The following NFASC variants were observed in gnomAD, a reference collection of about 807,000 sequenced individuals.
NFASC encodes the protein neurofascin.
NFASC carries 43 observed loss-of-function variants against 147.5 expected under a neutral mutation model. The observed-to-expected ratio is 0.29, with a 90% CI of 0.23 to 0.38. The LOEUF (loss-of-function observed/expected upper bound fraction) is 0.38, where lower values mean the gene tolerates loss of function less well. NFASC is among the 10% of genes least tolerant of loss of function. The pLI is 1.00. For synonymous variants in NFASC, 622 were observed against 665.5 expected (o/e 0.93, Z 1.01); for missense variants, 1,320 against 1,689.0 (o/e 0.78, Z 3.83).
intron 25 of NFASC, chr1:205,000,711 CAGCTACTTG>C: frequency 1.1e-5 from 2 of 187,612 alleles, no homozygotes; most frequent in Non-Finnish European, 2.2e-5. Flanking sequence ...CCTGTAATCT[CAGCTACTTG>C]GGAGGCTGAG....
chr1:204,940,731 G>A (rs550214119), intron 2 of NFASC, among the ~76,000 whole-genome samples: 2 of 152,242 alleles, frequency 1.3e-5, no homozygotes, highest in East Asian at 1.9e-4. Context: ...TTCTTTCACC[G>A]AGCGTGTTTT....
chr1:204,922,728 G>C (rs2090740575), intron 2 of NFASC, among the ~76,000 whole-genome samples: 1 of 152,134 alleles, frequency 6.6e-6, no homozygotes, highest in Non-Finnish European at 1.5e-5. Context: ...CATGAAGGGG[G>C]AGTACCTATC....
chr1:204,980,649 CAG>C (rs1156263551), intron 20 of NFASC, among the ~76,000 whole-genome samples: 5 of 152,140 alleles, frequency 3.3e-5, no homozygotes, highest in Non-Finnish European at 7.3e-5. Context: ...TGTAAGATTT[CAG>C]AGAGGAGACA....
intron 1 of NFASC, among the ~76,000 whole-genome samples, chr1:204,910,046 A>G (rs375938919): frequency 2.4e-4 from 36 of 152,138 alleles, no homozygotes; most frequent in African/African-American, 8.2e-4. Context: ...TTCTTTGTCA[A>G]ATTTGTTTCA....
At chr1:204,950,470 C>A in intron 3 of NFASC, 87 bp from the exon 4 acceptor site, 1 of 1,241,460 alleles carries the variant, frequency 8.1e-7, no homozygotes, top group Non-Finnish European at 1.2e-6. Flanking sequence ...TCCCTGTGTG[C>A]TGGGGCGTGA....
At chr1:204,839,325 G>A (rs183448106) in intron 1 of NFASC, among the ~76,000 whole-genome samples, 1 of 150,928 alleles carries the variant, frequency 6.6e-6, no homozygotes, top group Admixed American at 6.6e-5. Flanking sequence ...GCTGAAGGTG[G>A]TTGCTCCCAG....
intron 1 of NFASC, among the ~76,000 whole-genome samples, chr1:204,884,270 G>T (rs2148927550): frequency 6.6e-6 from 1 of 152,192 alleles, no homozygotes; most frequent in South Asian, 2.1e-4. Flanking sequence ...AGGCTGCTGG[G>T]CCTGGGGAGA....
chr1:204,882,485 C>T (rs575501694), intron 1 of NFASC, among the ~76,000 whole-genome samples: 1 of 152,276 alleles, frequency 6.6e-6, no homozygotes, highest in African/African-American at 2.4e-5. Flanking sequence ...TTTGATATCA[C>T]TTCCTGACCA....
chr1:204,975,288 C>A lies in NFASC; in HGVS notation c.1576C>A (p.Arg526=). 1 of 1,613,024 alleles carries A rather than the reference C, an allele frequency of 6.2e-7. No individual in the cohort carries two copies. The highest frequency in any genetic ancestry group is 8.5e-7 in the Non-Finnish European group (1 of 1,179,344). Residue 526 remains arginine, a synonymous_variant, in exon 15 of 30, where the codon CGG becomes AGG. Transcript: ENST00000339876. The surrounding 1 kb of genome is among the most constrained non-coding windows in gnomAD (Gnocchi z 4.0). ...CTCCACAGACCCCACCAGGATCTAC[C>A]GGATGCCCGAGGACCAGGTGGCCAG... is the stretch of plus-strand genomic sequence containing the variant. The part of the protein sequence containing the change: ...LEVKDPTRIY[R]MPEDQVARRG...
chr1:204,974,338 A>G, intron 13 of NFASC, 48 bp downstream of exon 13: 1 of 1,415,722 alleles, frequency 7.1e-7, no homozygotes, highest in Non-Finnish European at 1.0e-6. Context: ...CACCTGTCTC[A>G]TCTTCTCCTT....
chr1:204,987,071 C>G lies in NFASC; in HGVS notation c.2471-347C>G. The G allele has an allele frequency of 3.3e-6, 1 of 303,264 alleles. No individual in the cohort carries two copies. The highest frequency in any genetic ancestry group is 6.2e-6 in the Non-Finnish European group (1 of 161,302). 18.8% of individuals were successfully genotyped at this position (303,264 alleles called of 1,614,324 possible). ...CTGTACAAAACAGCTGTAAGTGGTT[C>G]TCTACCTAGGAATGGCTCTGCCCAA... is the stretch of plus-strand genomic sequence containing the variant. On this transcript the variant is annotated intron_variant, in intron 21 of 29. Transcript: ENST00000339876. This position sits in a 1 kb window ranked among gnomAD's most constrained non-coding sequence, Gnocchi z 4.4.
chr1:205,013,435 C>T (rs899322710), intron 29 of NFASC, among the ~76,000 whole-genome samples: 1 of 152,178 alleles, frequency 6.6e-6, no homozygotes. Context: ...GTCCAGTGCC[C>T]TATGCCCCAG....
Position 204,954,526 on chromosome 1 carries a change from G to A in NFASC, c.412+142G>A, listed in dbSNP as rs9661923. ...TTCTCTATGCATCTTCCCCACCTCA[G>A]AATGATTCCCTGGAAAGGAAGCTCC... On this transcript the variant is annotated intron_variant, in intron 6 of 29. Transcript: ENST00000339876. The surrounding 1 kb of genome is among the most constrained non-coding windows in gnomAD (Gnocchi z 5.7). The A allele has an allele frequency of 2.6e-6, 2 of 780,752 alleles. No individual in the cohort carries two copies. Among genetic ancestry groups the A allele is most frequent in the Non-Finnish European group, 2.0e-6 (1 of 497,294 alleles). The allele number at this position is 780,752 out of a possible 1,614,324, so 48.4% of individuals were successfully genotyped here.
At chr1:204,907,772 T>A (rs2086322682) in intron 1 of NFASC, among the ~76,000 whole-genome samples, 1 of 152,232 alleles carries the variant, frequency 6.6e-6, no homozygotes, top group African/African-American at 2.4e-5. Context: ...GAGATTCACT[T>A]AGCAAAAGAA....
At chr1:204,966,773 T>C (rs534696003) in intron 8 of NFASC, among the ~76,000 whole-genome samples, 5 of 152,324 alleles carry the variant, frequency 3.3e-5, no homozygotes, top group African/African-American at 9.6e-5. Flanking sequence ...TAAACCTTCA[T>C]TGAGCATTTG....
chr1:204,873,478 A>G (rs1431477143), intron 1 of NFASC, among the ~76,000 whole-genome samples: 1 of 152,208 alleles, frequency 6.6e-6, no homozygotes, highest in Non-Finnish European at 1.5e-5. Context: ...GGTTTAGTGG[A>G]CATTTCATTT....
intron 2 of NFASC, among the ~76,000 whole-genome samples, chr1:204,935,363 A>C (rs1427401684): frequency 6.6e-6 from 1 of 152,250 alleles, no homozygotes; most frequent in Non-Finnish European, 1.5e-5. Flanking sequence ...TGCATTTGAC[A>C]GAGACTCAGA....
At chr1:205,011,532 T>C (rs1047654352) in intron 28 of NFASC, among the ~76,000 whole-genome samples, 6 of 152,228 alleles carry the variant, frequency 3.9e-5, no homozygotes, top group Admixed American at 3.3e-4. Context: ...AGATCAACTC[T>C]GAGCTGCCCT....
chr1:204,926,412 T>A (rs1232146441), intron 2 of NFASC, among the ~76,000 whole-genome samples: 51 of 13,984 alleles, frequency 3.6e-3, no homozygotes, highest in Non-Finnish European at 5.1e-3. Flanking sequence ...ATATATTTTT[T>A]TTTTTTTTTT....
Sources: gnomAD v4.1 joint callset for allele counts (sites outside exome capture counted in the v4.1 genomes callset) on GRCh38, gnomAD v4.1.1 for gene constraint, Gnocchi (gnomAD v3.1) non-coding constraint, MANE v1.5 for transcripts, NCBI Gene and HGNC (gene_info 2026-07-23, HGNC 2026-07-21) for gene names.